Variants in GPRC6A observed in about 807,000 individuals in gnomAD.
The protein encoded by GPRC6A is G protein-coupled receptor class C group 6 member A, also known as G protein-coupled receptor family C group 6 member A.
A neutral mutation model predicts 47.0 loss-of-function variants in GPRC6A; 54 were observed. That is an observed-to-expected ratio of 1.15 (90% CI 0.92 to 1.44). The LOEUF (loss-of-function observed/expected upper bound fraction) is 1.44. Among genes scored for constraint, GPRC6A ranks in the 40% most tolerant of loss-of-function variants. The probability of loss-of-function intolerance (pLI) is 0.00; values close to 1 mark genes in which losing one functional copy is unlikely to be tolerated. For synonymous variants in GPRC6A, 347 were observed against 377.1 expected (o/e 0.92, Z 0.93); for missense variants, 1,112 against 1,105.5 (o/e 1.01, Z -0.08).
At position 116,807,156 on chromosome 6, in the gene GPRC6A, A is replaced by G. The variant is rs1582463196; in HGVS notation, c.549T>C (p.Pro183=). ...CACTGGGCACAGTCCGTAAAAATGA[A>G]GGAAAGCGAATTTTGTCACTCAGGA... The part of the protein sequence containing the change: ...AEILSDKIRF[P]SFLRTVPSDF... Residue 183 remains proline (P), a synonymous_variant, in exon 3 of 6, where the codon CCT becomes CCC. Coordinates refer to ENST00000310357, the MANE Select transcript of GPRC6A (RefSeq NM_148963.4). 1 of 1,613,474 alleles carries G rather than the reference A, an allele frequency of 6.2e-7. No individual in the cohort carries two copies. Among genetic ancestry groups the G allele is most frequent in the African/African-American group, 1.3e-5 (1 of 75,004 alleles).
intron 1 of GPRC6A, among the ~76,000 whole-genome samples, chr6:116,816,985 C>T (rs376131068): frequency 1.1e-4 from 16 of 150,880 alleles, no homozygotes; most frequent in East Asian, 7.8e-4. Flanking sequence ...TGCCCAGGCT[C>T]GCTTAGGTAA....
Position 116,806,852 on chromosome 6 carries a change from CA to C in GPRC6A, c.852del (p.Phe284LeufsTer10). The C allele has an allele frequency of 6.2e-7, 1 of 1,613,298 alleles. No homozygotes were observed. Among genetic ancestry groups the C allele is most frequent in the Non-Finnish European group, 8.5e-7 (1 of 1,179,492 alleles). On this transcript the variant is annotated frameshift_variant, in exon 3 of 6. Coordinates refer to ENST00000310357, the MANE Select transcript of GPRC6A (RefSeq NM_148963.4). LOFTEE classifies it high-confidence loss of function. ...IVVFLRQFHV[F>X]DLFNKAIEMN... ...ATTTCAATGGCTTTATTGAAGAGAT[CA>C]AAAACATGGAATTGCCTCAGAAATA... is the stretch of plus-strand genomic sequence containing the variant.
At chr6:116,823,221 G>A (rs890380506) in intron 1 of GPRC6A, among the ~76,000 whole-genome samples, 1 of 151,966 alleles carries the variant, frequency 6.6e-6, no homozygotes, top group Non-Finnish European at 1.5e-5. Flanking sequence ...TCACACATAT[G>A]AGCTAGGCTA....
At chr6:116,827,281 T>G (rs1236053038) in intron 1 of GPRC6A, among the ~76,000 whole-genome samples, 1 of 151,956 alleles carries the variant, frequency 6.6e-6, no homozygotes, top group Non-Finnish European at 1.5e-5. Flanking sequence ...TCATTACACA[T>G]TCTAAGCATA....
intron 1 of GPRC6A, among the ~76,000 whole-genome samples, chr6:116,810,579 A>T (rs1431500909): frequency 1.3e-5 from 2 of 151,646 alleles, no homozygotes; most frequent in African/African-American, 2.4e-5. Context: ...ATATATTAGT[A>T]AGTTAAACTA....
At chr6:116,821,228 G>T (rs990372982) in intron 1 of GPRC6A, among the ~76,000 whole-genome samples, 1 of 151,754 alleles carries the variant, frequency 6.6e-6, no homozygotes, top group Non-Finnish European at 1.5e-5. Context: ...ACAAATGGAA[G>T]AACATTCCAT....
rs1421285902 is a variant in GPRC6A at position 116,792,494 on chromosome 6, A to G, written c.2429T>C (p.Val810Ala). 1 of 1,613,720 alleles carries G rather than the reference A, an allele frequency of 6.2e-7. No homozygotes were observed. Among genetic ancestry groups the G allele is most frequent in the Non-Finnish European group, 8.5e-7 (1 of 1,179,790 alleles). Residue 810 changes from valine to alanine, a missense_variant, in exon 6 of 6, where the codon GTA (valine) becomes GCA (alanine). Physicochemically the swap from Val to Ala is moderately conservative, Grantham distance 64. Transcript: ENST00000310357. Reference protein sequence around the residue: ...PIYATTFGKYVPAVEIIVILI... With the variant: ...PIYATTFGKYAPAVEIIVILI... ...TATGACAATAATCTCCACAGCTGGT[A>G]CATATTTGCCAAATGTGGTAGCATA...
intron 1 of GPRC6A, among the ~76,000 whole-genome samples, chr6:116,810,533 C>A (rs938332586): frequency 1.3e-5 from 2 of 151,594 alleles, no homozygotes; most frequent in Non-Finnish European, 2.9e-5. Context: ...ATACTCTTCT[C>A]CCCTCCCTAA....
rs1416119620 is a variant in GPRC6A at position 116,800,670 on chromosome 6, C to T, written c.1462G>A (p.Val488Ile). ...LWKEINGHMTVTKMAEYDLQN... is the reference protein window; with the variant it reads ...LWKEINGHMTITKMAEYDLQN... ...AGGTCATATTCTGCCATCTTAGTGA[C>T]AGTCATGTGTCCATTGATCTCCTTC... Residue 488 changes from valine to isoleucine, a missense_variant, in exon 4 of 6, where the codon GTC becomes ATC. Val to Ile is a conservative substitution (Grantham distance 29). Coordinates refer to ENST00000310357, the MANE Select transcript of GPRC6A (RefSeq NM_148963.4). 6.2e-7 allele frequency: 1 copy of T among 1,612,374 alleles called. No homozygotes were observed. The highest frequency in any genetic ancestry group is 8.5e-7 in the Non-Finnish European group (1 of 1,178,688).
intron 1 of GPRC6A, among the ~76,000 whole-genome samples, chr6:116,820,700 G>A (rs1773436453): frequency 6.6e-6 from 1 of 151,884 alleles, no homozygotes; most frequent in Non-Finnish European, 1.5e-5. Flanking sequence ...GTATTGATGT[G>A]ACATATTTCA....
At position 116,809,475 on chromosome 6, in the gene GPRC6A, TGGC is replaced by T. The variant is rs1241173995; in HGVS notation, c.334_336del (p.Ala112del). 1 of 1,613,590 alleles carries T rather than the reference TGGC, an allele frequency of 6.2e-7. No homozygotes were observed. The highest frequency in any genetic ancestry group is 2.2e-5 in the East Asian group (1 of 44,862). On this transcript the variant is annotated inframe_deletion, in exon 2 of 6. Coordinates refer to ENST00000310357, the MANE Select transcript of GPRC6A (RefSeq NM_148963.4). ...TTGAATTTAGAAAGAAACCTCAGAG[TGGC>T]TGCCATTGCCACTGTGACTTCTGTA...
chr6:116,820,814 T>C (rs971100658), intron 1 of GPRC6A, among the ~76,000 whole-genome samples: 74 of 150,286 alleles, frequency 4.9e-4, no homozygotes, highest in African/African-American at 1.7e-3. Context: ...AGGGATGCCC[T>C]CTCTCACCAC....
chr6:116,810,550 A>G (rs549967392), intron 1 of GPRC6A, among the ~76,000 whole-genome samples: 1 of 151,936 alleles, frequency 6.6e-6, no homozygotes, highest in African/African-American at 2.4e-5. Context: ...CTAAAAGAAT[A>G]AAGTAAATAA....
At chr6:116,823,937 G>A (rs1195166423) in intron 1 of GPRC6A, among the ~76,000 whole-genome samples, 2 of 152,068 alleles carry the variant, frequency 1.3e-5, no homozygotes, top group South Asian at 2.1e-4. Flanking sequence ...AGCACTAGGG[G>A]GATGGTGCTA....
intron 1 of GPRC6A, among the ~76,000 whole-genome samples, chr6:116,817,491 C>A (rs954662771): frequency 2.6e-5 from 4 of 152,196 alleles, no homozygotes; most frequent in Non-Finnish European, 5.9e-5. Context: ...TCTCCTCCTC[C>A]AAAGGAACGC....
At chr6:116,793,737 C>T (rs1025282114) in intron 5 of GPRC6A, among the ~76,000 whole-genome samples, 6 of 152,074 alleles carry the variant, frequency 3.9e-5, no homozygotes, top group Non-Finnish European at 7.4e-5. Flanking sequence ...ATTGTGATGC[C>T]GTACTTAATG....
At chr6:116,801,321 G>A (rs1055877076) in intron 3 of GPRC6A, among the ~76,000 whole-genome samples, 10 of 152,110 alleles carry the variant, frequency 6.6e-5, no homozygotes, top group Admixed American at 5.2e-4. Context: ...TACCTAATTT[G>A]CACAGTGAGA....
At chr6:116,823,430 C>T (rs1773573327) in intron 1 of GPRC6A, among the ~76,000 whole-genome samples, 1 of 152,092 alleles carries the variant, frequency 6.6e-6, no homozygotes, top group Admixed American at 6.6e-5. Context: ...CATTTGAGAC[C>T]TCTTCAGCCT....
intron 1 of GPRC6A, 24 bp from the exon 2 acceptor site, chr6:116,809,641 G>T: frequency 1.3e-6 from 2 of 1,562,792 alleles, no homozygotes; most frequent in South Asian, 2.3e-5. Flanking sequence ...AGTATTTTTT[G>T]AAATCAGAAC....
Sources: allele counts gnomAD v4.1 joint callset (sites outside exome capture counted in the v4.1 genomes callset), GRCh38; gene constraint gnomAD v4.1.1; transcripts MANE v1.5; gene names NCBI Gene and HGNC (gene_info 2026-07-23, HGNC 2026-07-21).